SPAG16: variants seen among roughly 807,000 people sequenced by gnomAD.
The protein encoded by SPAG16 is sperm-associated antigen 16 protein.
A neutral mutation model predicts 80.4 loss-of-function variants in SPAG16; 86 were observed. The observed-to-expected ratio is 1.07, with a 90% CI of 0.90 to 1.28. SPAG16 has a LOEUF of 1.28. SPAG16 is among the 50% of genes most tolerant of loss of function. The pLI is 0.00. For missense variants in SPAG16, 870 were observed against 765.3 expected (o/e 1.14, Z -1.61); for synonymous variants, 294 against 265.9 (o/e 1.11, Z -1.03).
At chr2:214,226,599 G>A (rs1398642360) in intron 15 of SPAG16, among the ~76,000 whole-genome samples, 1 of 152,034 alleles carries the variant, frequency 6.6e-6, no homozygotes, top group African/African-American at 2.4e-5. Flanking sequence ...TCACCAAAAT[G>A]TGGTTGCAGT....
intron 9 of SPAG16, among the ~76,000 whole-genome samples, chr2:213,443,662 A>G (rs559340349): frequency 6.6e-6 from 1 of 152,342 alleles, no homozygotes; most frequent in East Asian, 1.9e-4. Context: ...CTTTGGGCAT[A>G]TACCCAGCAG....
chr2:213,943,878 G>A lies in SPAG16; in HGVS notation c.1400+13733G>A, dbSNP rs1308436408. On this transcript the variant is annotated intron_variant, in intron 12 of 15. Transcript: ENST00000331683. ...CATCTCAACAGAAGCCAGTTATAGA[G>A]ACGGAAATACACCACAGAAATACTG... Among the ~76,000 whole-genome samples, 13 of 152,158 alleles carry A rather than the reference G, an allele frequency of 8.5e-5. No homozygotes were observed. The East Asian group carries it at 2.1e-3, about 25-fold the overall frequency.
chr2:213,703,720 C>T (rs113157160), intron 10 of SPAG16, among the ~76,000 whole-genome samples: 5,631 of 152,240 alleles, frequency 0.037, 349 homozygotes, highest in African/African-American at 0.13. Flanking sequence ...CTCAGAGTAA[C>T]CTCAGTCAGT....
intron 15 of SPAG16, among the ~76,000 whole-genome samples, chr2:214,390,341 TAAAAAAAAA>T (rs756833750): frequency 1.6e-5 from 2 of 125,472 alleles, no homozygotes; most frequent in Non-Finnish European, 3.2e-5. Flanking sequence ...CTTTTTTTTT[TAAAAAAAAA>T]AAAAAAAAAG....
chr2:214,048,119 A>G (rs913907851), intron 13 of SPAG16, among the ~76,000 whole-genome samples: 1 of 152,188 alleles, frequency 6.6e-6, no homozygotes, highest in Non-Finnish European at 1.5e-5. Context: ...CAACCGCTAT[A>G]GAGAACAGTT....
chr2:214,217,890 C>G (rs2058471493), intron 15 of SPAG16, among the ~76,000 whole-genome samples: 1 of 152,106 alleles, frequency 6.6e-6, no homozygotes, highest in Non-Finnish European at 1.5e-5. Context: ...GGCAGTGGGT[C>G]TCAAACTTCT....
chr2:213,772,801 T>A (rs1390134856), intron 10 of SPAG16, among the ~76,000 whole-genome samples: 1 of 152,160 alleles, frequency 6.6e-6, no homozygotes, highest in Non-Finnish European at 1.5e-5. Flanking sequence ...GTACATCAAT[T>A]TGAGGAAAAC....
At chr2:214,058,420 A>T (rs191814555) in intron 13 of SPAG16, among the ~76,000 whole-genome samples, 1 of 152,290 alleles carries the variant, frequency 6.6e-6, no homozygotes, top group Non-Finnish European at 1.5e-5. Context: ...TTTATTAATT[A>T]TGTTTGCTGT....
Position 214,273,485 on chromosome 2 carries a change from G to A in SPAG16, c.1720+124219G>A, listed in dbSNP as rs545455372. Among the ~76,000 whole-genome samples the A allele has an allele frequency of 1.1e-3, 164 of 152,178 alleles. 1 individual carries two copies. Among genetic ancestry groups the A allele is most frequent in the African/African-American group, 3.8e-3 (159 of 41,504 alleles). ...ATTTTTGTGTAAGGTGTAAGGAGGG[G>A]ATCTAGTTTCAGCTTTATACATATG... On this transcript the variant is annotated intron_variant, in intron 15 of 15. Transcript: ENST00000331683.
At chr2:213,706,032 AT>A (rs1321042272) in intron 10 of SPAG16, among the ~76,000 whole-genome samples, 2 of 152,198 alleles carry the variant, frequency 1.3e-5, no homozygotes, top group African/African-American at 2.4e-5. Flanking sequence ...GCACTTTACT[AT>A]TTTATGCTTT....
intron 14 of SPAG16, among the ~76,000 whole-genome samples, chr2:214,134,150 G>A (rs981733450): frequency 3.9e-5 from 6 of 152,282 alleles, no homozygotes; most frequent in Non-Finnish European, 2.9e-5. Flanking sequence ...CCAAATCCAC[G>A]CTTTTTGAAT....
chr2:213,530,763 A>G (rs2076039639), intron 10 of SPAG16, among the ~76,000 whole-genome samples: 1 of 152,026 alleles, frequency 6.6e-6, no homozygotes, highest in African/African-American at 2.4e-5. Flanking sequence ...TGTTCTCTAC[A>G]ATTCCTGTTA....
chr2:213,903,949 A>G (rs1193863409), intron 11 of SPAG16, among the ~76,000 whole-genome samples: 1 of 152,142 alleles, frequency 6.6e-6, no homozygotes, highest in Non-Finnish European at 1.5e-5. Context: ...CTCTTTGCTA[A>G]AACATAACAA....
chr2:213,538,874 TACAG>T (rs1010371886), intron 10 of SPAG16, among the ~76,000 whole-genome samples: 3 of 152,178 alleles, frequency 2.0e-5, no homozygotes, highest in African/African-American at 7.2e-5. Flanking sequence ...TCCACATACA[TACAG>T]ACACACACAT....
chr2:214,070,496 C>T (rs955341003), intron 13 of SPAG16, among the ~76,000 whole-genome samples: 1 of 151,990 alleles, frequency 6.6e-6, no homozygotes, highest in African/African-American at 2.4e-5. Flanking sequence ...ATCTTCGTAG[C>T]TTTAATATAT....
chr2:213,398,973 G>A (rs1480482990), intron 9 of SPAG16, among the ~76,000 whole-genome samples: 5 of 152,142 alleles, frequency 3.3e-5, no homozygotes, highest in Non-Finnish European at 7.4e-5. Context: ...ATTACTACAA[G>A]TTGATCAGAA....
At chr2:213,473,120 T>A (rs1277507787) in intron 9 of SPAG16, among the ~76,000 whole-genome samples, 1 of 152,188 alleles carries the variant, frequency 6.6e-6, no homozygotes. Flanking sequence ...TCTGCTTATA[T>A]AAATTAAGTA....
chr2:214,042,920 T>G (rs1235718342), intron 13 of SPAG16, among the ~76,000 whole-genome samples: 1 of 152,164 alleles, frequency 6.6e-6, no homozygotes. Flanking sequence ...GTCTATATAT[T>G]GGTTGTTAAC....
chr2:213,910,429 A>T (rs866641587), intron 11 of SPAG16, among the ~76,000 whole-genome samples: 1 of 152,246 alleles, frequency 6.6e-6, no homozygotes, highest in Non-Finnish European at 1.5e-5. Context: ...GAGAATTTTT[A>T]CAAAATAATC....
Sources: allele counts gnomAD v4.1 joint callset (sites outside exome capture counted in the v4.1 genomes callset), GRCh38; gene constraint gnomAD v4.1.1; transcripts MANE v1.5; gene names NCBI Gene and HGNC (gene_info 2026-07-23, HGNC 2026-07-21).